The following FCHO2 variants were observed in gnomAD, a reference collection of about 807,000 sequenced individuals.
The protein encoded by FCHO2 is FCH and mu domain containing endocytic adaptor 2.
A neutral mutation model predicts 114.1 loss-of-function variants in FCHO2; 43 were observed. The ratio of observed to expected loss-of-function variants is 0.38; its 90% CI spans 0.30 to 0.49. The LOEUF (loss-of-function observed/expected upper bound fraction) is 0.49. Among genes scored for constraint, FCHO2 ranks in the 20% least tolerant of loss-of-function variants. The pLI is 0.97. For missense variants in FCHO2, 807 were observed against 950.4 expected, an observed-to-expected ratio of 0.85 and a Z score of 1.98; for synonymous variants, 293 against 315.2, an observed-to-expected ratio of 0.93 and a Z score of 0.75.
rs1561412569 is a variant in FCHO2 at position 72,974,460 on chromosome 5, G to A, written c.125+5871G>A. Among the ~76,000 whole-genome samples, 20 of 149,816 alleles carry A rather than the reference G, an allele frequency of 1.3e-4. No individual in the cohort carries two copies. The South Asian group carries it at 4.3e-3, about 32-fold the overall frequency. ...TTGATCCCTTTACTATTATGTAATG[G>A]CCTTCTTTGTCTCTTTTGATCTTTG... On this transcript the variant is annotated intron_variant, in intron 2 of 25. Coordinates refer to ENST00000430046, the MANE Select transcript of FCHO2 (RefSeq NM_138782.3).
At chr5:72,988,537 A>G (rs1263588446) in intron 2 of FCHO2, among the ~76,000 whole-genome samples, 1 of 152,164 alleles carries the variant, frequency 6.6e-6, no homozygotes, top group Non-Finnish European at 1.5e-5. Context: ...ATGGCTGTGG[A>G]TGTTTTTTAC....
chr5:73,019,992 C>T (rs1755529853), intron 8 of FCHO2, among the ~76,000 whole-genome samples: 1 of 152,160 alleles, frequency 6.6e-6, no homozygotes, highest in African/African-American at 2.4e-5. Flanking sequence ...AGTATCTCCA[C>T]CCAGCAGCCC....
chr5:73,081,920 A>C lies in FCHO2; in HGVS notation c.2118A>C (p.Ile706=). The change falls in exon 23 of 26, where the codon ATA becomes ATC. Residue 706 remains isoleucine, a synonymous_variant. Transcript: ENST00000430046. ...TGGCACCTAGTGTGCTTTCCAACAT[A>C]CAGGTGGTGGTACCAGTGGATGGAG... ...AMVAPSVLSN[I]QVVVPVDGGV... 6.2e-7 allele frequency: 1 copy of C among 1,610,972 alleles called. No homozygotes were observed. Among genetic ancestry groups the C allele is most frequent in the South Asian group, 1.1e-5 (1 of 90,502 alleles).
chr5:72,968,406 C>A, intron 1 of FCHO2, 92 bp from the exon 2 acceptor site: 1 of 814,606 alleles, frequency 1.2e-6, no homozygotes, highest in Non-Finnish European at 1.8e-6. Context: ...CACCTGAGCA[C>A]AGGATTGCAT....
chr5:72,978,276 T>C (rs1399488261), intron 2 of FCHO2, among the ~76,000 whole-genome samples: 2 of 152,222 alleles, frequency 1.3e-5, no homozygotes, highest in Non-Finnish European at 2.9e-5. Flanking sequence ...TGTCCTCTAT[T>C]ATTTCCTTTA....
At chr5:73,016,881 G>A (rs1176131991) in intron 7 of FCHO2, among the ~76,000 whole-genome samples, 1 of 152,014 alleles carries the variant, frequency 6.6e-6, no homozygotes, top group Non-Finnish European at 1.5e-5. Flanking sequence ...GAGTCAGACT[G>A]TGTGTGTGTT....
intron 1 of FCHO2, among the ~76,000 whole-genome samples, chr5:72,959,832 C>T (rs1216239777): frequency 4.0e-5 from 6 of 151,334 alleles, no homozygotes; most frequent in Middle Eastern, 3.4e-3. Flanking sequence ...TGGGCTGGCA[C>T]GCAGTGGCAC....
At chr5:72,963,857 G>A (rs923622353) in intron 1 of FCHO2, among the ~76,000 whole-genome samples, 7 of 149,790 alleles carry the variant, frequency 4.7e-5, no homozygotes, top group African/African-American at 1.7e-4. Flanking sequence ...GGCCAGATAG[G>A]CTGTAATTTT....
intron 8 of FCHO2, among the ~76,000 whole-genome samples, chr5:73,017,798 C>G (rs1463657186): frequency 6.6e-6 from 1 of 151,996 alleles, no homozygotes; most frequent in Non-Finnish European, 1.5e-5. Flanking sequence ...TTATTGAGTT[C>G]TAACAATATA....
rs567064132 is a variant in FCHO2 at position 73,027,343 on chromosome 5, A to G, written c.797-7314A>G. ...TCCATTTATATATATACATATAGTG[A>G]CTATTTTCTCCCAGTCTGGCTTGTT... On this transcript the variant is annotated intron_variant, in intron 8 of 25. Coordinates refer to ENST00000430046, the MANE Select transcript of FCHO2 (RefSeq NM_138782.3). Among the ~76,000 whole-genome samples, 52 of 148,762 alleles carry G rather than the reference A, an allele frequency of 3.5e-4. 2 individuals carry two copies. In the South Asian group the frequency reaches 0.01, roughly 29 times the overall value.
rs192277893 is a variant in FCHO2, at chr5:73,008,347, A to G, written c.600+1798A>G. On this transcript the variant is annotated intron_variant, in intron 6 of 25. Transcript: ENST00000430046. ...TAGTCAGGTGAGAAGGATGAGGGCC[A>G]GCGTAGTGGTCTTGGAGAAGGAGAC... Among the ~76,000 whole-genome samples, 182 of 152,292 alleles carry G rather than the reference A, an allele frequency of 1.2e-3. 1 individual carries two copies. The highest frequency in any genetic ancestry group is 2.1e-3 in the Non-Finnish European group (142 of 68,018).
At chr5:73,053,555 C>A (rs935599074) in intron 13 of FCHO2, among the ~76,000 whole-genome samples, 55 of 152,116 alleles carry the variant, frequency 3.6e-4, no homozygotes, top group African/African-American at 1.3e-3. Context: ...ATTAGCCGGT[C>A]GTGGTGGCAT....
At chr5:73,006,619 CAT>C (rs754632678) in intron 6 of FCHO2, 70 bp downstream of exon 6, 79 of 1,071,116 alleles carry the variant, frequency 7.4e-5, no homozygotes, top group Middle Eastern at 2.2e-4. Context: ...ATTTTTCTCT[CAT>C]ATAATTTTTT....
chr5:73,044,636 T>C (rs1047325809), intron 11 of FCHO2, among the ~76,000 whole-genome samples: 3 of 152,202 alleles, frequency 2.0e-5, no homozygotes, highest in Admixed American at 6.5e-5. Context: ...CTGCATCTTT[T>C]GAAAGTTGGC....
At chr5:73,006,589 A>G in intron 6 of FCHO2, 40 bp downstream of exon 6, 1 of 1,246,562 alleles carries the variant, frequency 8.0e-7, no homozygotes, top group Non-Finnish European at 1.1e-6. Flanking sequence ...CAGGGCATTT[A>G]TATTTGTGTA....
At chr5:73,068,509 A>T in intron 18 of FCHO2, 141 bp from the exon 19 acceptor site, 1 of 700,988 alleles carries the variant, frequency 1.4e-6, no homozygotes, top group East Asian at 2.8e-5. Flanking sequence ...GATATGATAT[A>T]TGGCATCTCT....
At chr5:73,003,328 T>C (rs559379255) in intron 5 of FCHO2, among the ~76,000 whole-genome samples, 9 of 152,214 alleles carry the variant, frequency 5.9e-5, no homozygotes, top group African/African-American at 2.2e-4. Flanking sequence ...TTTAAAAATT[T>C]TTATTGTATT....
chr5:73,046,160 G>A (rs1172683252), intron 11 of FCHO2, among the ~76,000 whole-genome samples: 1 of 152,144 alleles, frequency 6.6e-6, no homozygotes, highest in Non-Finnish European at 1.5e-5. Flanking sequence ...GAACTCCTTG[G>A]CTCAAGTGAT....
Position 73,051,375 on chromosome 5 carries a change from C to T in FCHO2, c.966C>T (p.Gly322=), listed in dbSNP as rs1475139307. ...ACATTCCTGATGTAGATGAAGAAGG[C>T]TACAGTATTAAACCAGAAACAAATC... The part of the protein sequence containing the change: ...SLNIPDVDEE[G]YSIKPETNQN... The change falls in exon 12 of 26, where the codon GGC becomes GGT. Residue 322 remains glycine, a synonymous_variant. Coordinates refer to ENST00000430046, the MANE Select transcript of FCHO2 (RefSeq NM_138782.3). The T allele has an allele frequency of 5.2e-6, 8 of 1,533,646 alleles. No individual in the cohort carries two copies. Among genetic ancestry groups the T allele is most frequent in the Non-Finnish European group, 7.1e-6 (8 of 1,133,878 alleles).
Sources: allele counts gnomAD v4.1 joint callset (sites outside exome capture counted in the v4.1 genomes callset), GRCh38; gene constraint gnomAD v4.1.1; transcripts MANE v1.5; gene names NCBI Gene and HGNC (gene_info 2026-07-23, HGNC 2026-07-21).